The following KIF6 variants were observed in gnomAD, a reference collection of about 807,000 sequenced individuals.
The protein encoded by KIF6 is kinesin-like protein KIF6.
In KIF6, 106 loss-of-function variants were observed where a neutral mutation model predicts 112.7. The ratio of observed to expected loss-of-function variants is 0.94; its 90% CI spans 0.80 to 1.11. KIF6 has a LOEUF of 1.11. Ranked by LOEUF, KIF6 falls within the 50% of genes least tolerant of loss-of-function variation. The pLI is 0.00. For missense variants in KIF6, 929 were observed against 964.0 expected, an observed-to-expected ratio of 0.96 and a Z score of 0.48; for synonymous variants, 339 against 339.9, an observed-to-expected ratio of 1.00 and a Z score of 0.03.
intron 13 of KIF6, among the ~76,000 whole-genome samples, chr6:39,439,600 G>A (rs567191746): frequency 7.2e-5 from 11 of 152,320 alleles, no homozygotes; most frequent in African/African-American, 2.6e-4. Context: ...AGAAATGGTA[G>A]TCAACAAGGG....
chr6:39,586,144 C>T (rs1186680337), intron 8 of KIF6, 117 bp downstream of exon 8: 3 of 925,966 alleles, frequency 3.2e-6, no homozygotes, highest in Non-Finnish European at 5.1e-6. Context: ...TAGGGTACTG[C>T]CCTCTGAAGG....
intron 15 of KIF6, among the ~76,000 whole-genome samples, chr6:39,401,328 C>T (rs930551095): frequency 8.5e-5 from 13 of 152,166 alleles, no homozygotes; most frequent in Non-Finnish European, 1.9e-4. Context: ...CACCCCATAC[C>T]CCCTATCTTA....
rs1352869489 is a variant in KIF6 at position 39,415,408 on chromosome 6, A to G, written c.1810+4540T>C. Among the ~76,000 whole-genome samples, 9 of 151,614 alleles carry G rather than the reference A, an allele frequency of 5.9e-5. No individual in the cohort carries two copies. The South Asian group carries it at 1.0e-3, about 18-fold the overall frequency. ...TGTGTCCTTAGAATCTGTGACATAT[A>G]TGGTAAAACCCACCTTACAGGTGTG... On this transcript the variant is annotated intron_variant, in intron 15 of 22. Transcript: ENST00000287152.
intron 6 of KIF6, among the ~76,000 whole-genome samples, chr6:39,597,305 A>G (rs1010217427): frequency 6.6e-6 from 1 of 152,230 alleles, no homozygotes; most frequent in Non-Finnish European, 1.5e-5. Context: ...CTCCATCAAA[A>G]AATAAAAAGA....
At chr6:39,592,553 T>C (rs1026626232) in intron 7 of KIF6, among the ~76,000 whole-genome samples, 1 of 152,218 alleles carries the variant, frequency 6.6e-6, no homozygotes, top group African/African-American at 2.4e-5. Context: ...AAGCACTTCA[T>C]TTCCAGTGGT....
At chr6:39,686,318 T>C (rs1038320413) in intron 3 of KIF6, among the ~76,000 whole-genome samples, 1 of 152,230 alleles carries the variant, frequency 6.6e-6, no homozygotes, top group Admixed American at 6.5e-5. Context: ...TTACCCCTTT[T>C]ATTTTAACAA....
At chr6:39,524,212 G>A (rs1476077368) in intron 13 of KIF6, among the ~76,000 whole-genome samples, 2 of 152,034 alleles carry the variant, frequency 1.3e-5, no homozygotes, top group Non-Finnish European at 2.9e-5. Flanking sequence ...GGGACCTTCT[G>A]TTCCCTGACA....
chr6:39,641,253 T>C (rs1784882375), intron 3 of KIF6, among the ~76,000 whole-genome samples: 1 of 152,142 alleles, frequency 6.6e-6, no homozygotes, highest in Non-Finnish European at 1.5e-5. Context: ...ATAGAAAGAA[T>C]AGATGTAAAA....
intron 14 of KIF6, among the ~76,000 whole-genome samples, chr6:39,429,632 A>G (rs113524498): frequency 0.012 from 1,829 of 152,308 alleles, 41 homozygotes; most frequent in African/African-American, 0.041. Context: ...TTTTTAGGCC[A>G]GGCGCAGTGG....
At chr6:39,376,621 T>G (rs1281469282) in intron 16 of KIF6, among the ~76,000 whole-genome samples, 1 of 152,204 alleles carries the variant, frequency 6.6e-6, no homozygotes, top group Admixed American at 6.5e-5. Flanking sequence ...GTCACTGTGC[T>G]TGGTGTTGGG....
intron 13 of KIF6, among the ~76,000 whole-genome samples, chr6:39,431,709 A>G (rs1312348859): frequency 6.6e-6 from 1 of 152,088 alleles, no homozygotes; most frequent in East Asian, 1.9e-4. Flanking sequence ...AAGACTCATG[A>G]GCTGGCCATG....
chr6:39,367,139 C>A (rs963988715), intron 16 of KIF6, among the ~76,000 whole-genome samples: 2 of 152,150 alleles, frequency 1.3e-5, no homozygotes, highest in Admixed American at 1.3e-4. Flanking sequence ...TGCAGCCTCA[C>A]CAGGAGACAG....
At chr6:39,564,837 A>G (rs1409174491) in intron 10 of KIF6, among the ~76,000 whole-genome samples, 1 of 152,272 alleles carries the variant, frequency 6.6e-6, no homozygotes, top group Non-Finnish European at 1.5e-5. Context: ...ATTTATTCCA[A>G]TGCTTAGCTG....
chr6:39,495,027 G>A (rs1362042216), intron 13 of KIF6, among the ~76,000 whole-genome samples: 2 of 152,102 alleles, frequency 1.3e-5, no homozygotes, highest in African/African-American at 4.8e-5. Context: ...GAAAAAATCT[G>A]TATCCACAAC....
chr6:39,606,201 C>T (rs1782876728), intron 6 of KIF6, among the ~76,000 whole-genome samples: 1 of 151,754 alleles, frequency 6.6e-6, no homozygotes, highest in Admixed American at 6.6e-5. Flanking sequence ...GCACTTTAAT[C>T]TCTTTAATGG....
chr6:39,708,431 T>C (rs926419532), intron 3 of KIF6, among the ~76,000 whole-genome samples: 6 of 152,216 alleles, frequency 3.9e-5, no homozygotes, highest in African/African-American at 1.4e-4. Flanking sequence ...TGGTGGCTCA[T>C]AATGACTAAT....
intron 10 of KIF6, among the ~76,000 whole-genome samples, chr6:39,549,784 A>G (rs534186655): frequency 6.6e-6 from 1 of 152,354 alleles, no homozygotes; most frequent in East Asian, 1.9e-4. Context: ...TAATTATGGC[A>G]TAGCTATGTA....
At chr6:39,487,530 C>T (rs1775190329) in intron 13 of KIF6, among the ~76,000 whole-genome samples, 1 of 152,218 alleles carries the variant, frequency 6.6e-6, no homozygotes, top group African/African-American at 2.4e-5. Flanking sequence ...TAGCTTCTCT[C>T]TGCCTAGGTC....
At chr6:39,373,024 G>A (rs535919232) in intron 16 of KIF6, among the ~76,000 whole-genome samples, 69 of 152,290 alleles carry the variant, frequency 4.5e-4, no homozygotes, top group African/African-American at 1.5e-3. Flanking sequence ...GAGATTTGCC[G>A]AGCACAGATG....
Sources: allele counts gnomAD v4.1 joint callset (sites outside exome capture counted in the v4.1 genomes callset), GRCh38; gene constraint gnomAD v4.1.1; transcripts MANE v1.5; gene names NCBI Gene and HGNC (gene_info 2026-07-23, HGNC 2026-07-21).